Variants in CAAP1 observed in about 807,000 individuals in gnomAD.
CAAP1 encodes the protein conserved anti-apoptotic protein.
CAAP1 carries 20 observed loss-of-function variants against 34.0 expected under a neutral mutation model. That is an observed-to-expected ratio of 0.59 (90% confidence interval 0.41 to 0.86). The LOEUF (loss-of-function observed/expected upper bound fraction) is 0.86. CAAP1 is among the 40% of genes least tolerant of loss of function. The pLI, the probability that CAAP1 is intolerant of heterozygous loss-of-function variation, is 0.00. For missense variants in CAAP1, 538 were observed against 450.5 expected (o/e 1.19, Z -1.76); for synonymous variants, 213 against 166.7 (o/e 1.28, Z -2.14).
chr9:26,876,472 G>GGTTTTTTTT, intron 4 of CAAP1, among the ~76,000 whole-genome samples: 1 of 125,714 alleles, frequency 8.0e-6, no homozygotes. Context: ...ATTCTAGAAG[G>GGTTTTTTTT]TTTTTTTTTT....
chr9:26,842,734 G>A, intron 5 of CAAP1, 87 bp from the exon 6 acceptor site: 3 of 1,097,184 alleles, frequency 2.7e-6, no homozygotes, highest in Non-Finnish European at 3.9e-6. Flanking sequence ...AAACTGCTTT[G>A]ATCCCACCTC....
At chr9:26,856,156 A>G (rs767531505) in intron 5 of CAAP1, among the ~76,000 whole-genome samples, 3 of 151,748 alleles carry the variant, frequency 2.0e-5, no homozygotes, top group Admixed American at 6.6e-5. Flanking sequence ...GAGCCTATTT[A>G]AAGCAAAACT....
In CAAP1 at chr9:26,840,875, T is replaced by C. The variant is rs1822460594; in HGVS notation, c.*1426A>G. The C allele has an allele frequency of 6.6e-6, 1 of 152,230 alleles. No individual in the cohort carries two copies. The highest frequency in any genetic ancestry group is 2.4e-5 in the African/African-American group (1 of 41,462). The allele number at this position is 152,230 out of a possible 1,614,324, so 9.4% of individuals were successfully genotyped here. ...GAAAAATTATATCACTGTCTTTTCA[T>C]CTTGAAGCAATAACAATGAACTCAT... On this transcript the variant is annotated 3_prime_UTR_variant, in exon 6 of 6. Transcript: ENST00000333916.
intron 2 of CAAP1, among the ~76,000 whole-genome samples, chr9:26,886,793 T>C (rs17760820): frequency 0.076 from 11,575 of 152,256 alleles, 1,709 homozygotes; most frequent in East Asian, 0.7. Flanking sequence ...AGTCAACACA[T>C]TTCTTGCCTA....
At chr9:26,889,952 C>A (rs1419070262) in intron 1 of CAAP1, among the ~76,000 whole-genome samples, 2 of 151,714 alleles carry the variant, frequency 1.3e-5, no homozygotes, top group East Asian at 1.9e-4. Context: ...ATCTACATGC[C>A]TAATATGCAA....
At chr9:26,843,605 T>TA (rs1239762574) in intron 5 of CAAP1, among the ~76,000 whole-genome samples, 2 of 151,538 alleles carry the variant, frequency 1.3e-5, no homozygotes, top group Non-Finnish European at 2.9e-5. Context: ...TTTTTTTTTT[T>TA]AAAAAGTCAT....
At chr9:26,891,735 C>G (rs1587134578) in intron 1 of CAAP1, among the ~76,000 whole-genome samples, 1 of 152,142 alleles carries the variant, frequency 6.6e-6, no homozygotes, top group South Asian at 2.1e-4. Flanking sequence ...CTTAAAAACA[C>G]GTATCTCACG....
Position 26,892,399 on chromosome 9 carries a change from G to A in CAAP1, c.303+14C>T, listed in dbSNP as rs752995346. On this transcript the variant is annotated intron_variant, in intron 1 of 5. Coordinates refer to ENST00000333916, the MANE Select transcript of CAAP1 (RefSeq NM_024828.4). ...CAGCAGCTCCAGGAAGCGGCCAGAG[G>A]GGCGCGCACGCACCTGCTGCAAGGA... is the stretch of plus-strand genomic sequence containing the variant. 5 of 1,604,212 alleles carry A rather than the reference G, an allele frequency of 3.1e-6. No homozygotes were observed. In the African/African-American group the frequency reaches 6.7e-5, roughly 21 times the overall value.
At chr9:26,881,945 C>T (rs1165246287) in intron 4 of CAAP1, among the ~76,000 whole-genome samples, 1 of 152,110 alleles carries the variant, frequency 6.6e-6, no homozygotes, top group African/African-American at 2.4e-5. Flanking sequence ...GTAAAGGTGA[C>T]TCTTGCTATA....
rs1230300442 is a variant in CAAP1 at position 26,886,171 on chromosome 9, T to C, written c.522A>G (p.Glu174=). The C allele has an allele frequency of 2.6e-6, 4 of 1,555,252 alleles. No homozygotes were observed. Residue 174 remains glutamate (E), a synonymous_variant, in exon 3 of 6, where the codon GAA becomes GAG. Coordinates refer to ENST00000333916, the MANE Select transcript of CAAP1 (RefSeq NM_024828.4). ...ACTGTTCCTGGCATAGTTTTTTAAT[T>C]TCTTCTATTGAACAGTTCTAAAGGA... ...PDVLKNCSIE[E]IKKLCQEQLE... is the part of the protein sequence containing the mutation.
intron 4 of CAAP1, among the ~76,000 whole-genome samples, chr9:26,864,630 A>G (rs1489368482): frequency 3.0e-4 from 45 of 152,200 alleles, no homozygotes; most frequent in Admixed American, 2.9e-3. Context: ...GATTTTGTGA[A>G]TAGGCATTTT....
At chr9:26,853,120 T>C (rs1359844097) in intron 5 of CAAP1, among the ~76,000 whole-genome samples, 2 of 152,092 alleles carry the variant, frequency 1.3e-5, no homozygotes, top group African/African-American at 4.8e-5. Context: ...GACATGACCA[T>C]TCATACAGTA....
At chr9:26,888,277 G>A (rs1258129244) in intron 1 of CAAP1, among the ~76,000 whole-genome samples, 1 of 152,084 alleles carries the variant, frequency 6.6e-6, no homozygotes, top group Non-Finnish European at 1.5e-5. Flanking sequence ...TGGCCTACCT[G>A]GCCTTCATGC....
In CAAP1 at chr9:26,879,536, T is replaced by C. The variant is rs576316869; in HGVS notation, c.665+5274A>G. Among the ~76,000 whole-genome samples the C allele has an allele frequency of 3.7e-3, 561 of 152,342 alleles. 2 individuals are homozygous for C. The highest frequency in any genetic ancestry group is 0.013 in the African/African-American group (536 of 41,574). Reference sequence around the variant, plus strand: ...TGATTGGATTGAAGGATGCAAAGTATTGTTCCTGGGTATGTCTGTGAGGGT... The same window carrying C: ...TGATTGGATTGAAGGATGCAAAGTACTGTTCCTGGGTATGTCTGTGAGGGT... On this transcript the variant is annotated intron_variant, in intron 4 of 5. Transcript: ENST00000333916.
Position 26,842,580 on chromosome 9 carries a change from T to G in CAAP1, c.807A>C (p.Pro269=), listed in dbSNP as rs1563875423. ...CGGGAGCAGCTGCTTCTTCGTTGCA[T>G]GGGCCTTCTATGTCGCTGTCATAAG... ...ADAYDSDIEG[P]CNEEAAAPEA... is the part of the protein sequence containing the mutation. Residue 269 remains proline (P), a synonymous_variant, in exon 6 of 6, where the codon CCA becomes CCC. Coordinates refer to ENST00000333916, the MANE Select transcript of CAAP1 (RefSeq NM_024828.4). 6.2e-7 allele frequency: 1 copy of G among 1,614,126 alleles called. No homozygotes were observed. Among genetic ancestry groups the G allele is most frequent in the African/African-American group, 1.3e-5 (1 of 74,944 alleles).
chr9:26,876,723 G>C (rs1363254250), intron 4 of CAAP1, among the ~76,000 whole-genome samples: 1 of 152,096 alleles, frequency 6.6e-6, no homozygotes, highest in Non-Finnish European at 1.5e-5. Flanking sequence ...GCAGGCTATA[G>C]TTTAAGCATC....
At chr9:26,860,426 G>A (rs1016206932) in intron 5 of CAAP1, among the ~76,000 whole-genome samples, 4 of 152,086 alleles carry the variant, frequency 2.6e-5, no homozygotes, top group African/African-American at 9.7e-5. Context: ...AAAACTTACT[G>A]GTTTTTTCCC....
At chr9:26,887,586 C>T (rs769499347) in intron 1 of CAAP1, 73 bp from the exon 2 acceptor site, 475 of 850,770 alleles carry the variant, frequency 5.6e-4, no homozygotes, top group Non-Finnish European at 4.5e-4. Flanking sequence ...TGACATCATA[C>T]GTTTTCATTT....
At chr9:26,886,274 T>C in intron 2 of CAAP1, 86 bp from the exon 3 acceptor site, 1 of 564,160 alleles carries the variant, frequency 1.8e-6, no homozygotes, top group South Asian at 5.1e-5. Flanking sequence ...AAAATTTAAG[T>C]TAGCAAAATC....
Sources: gnomAD v4.1 joint callset for allele counts (sites outside exome capture counted in the v4.1 genomes callset) on GRCh38, gnomAD v4.1.1 for gene constraint, MANE v1.5 for transcripts, NCBI Gene and HGNC (gene_info 2026-07-23, HGNC 2026-07-21) for gene names.